SUGP1: variants seen among roughly 807,000 people sequenced by gnomAD.
The protein encoded by SUGP1 is SURP and G-patch domain-containing protein 1.
A neutral mutation model predicts 76.5 loss-of-function variants in SUGP1; 34 were observed. The observed-to-expected ratio is 0.44, with a 90% CI of 0.34 to 0.59. The LOEUF (loss-of-function observed/expected upper bound fraction) is 0.59, where lower values mean the gene tolerates loss of function less well. Ranked by LOEUF, SUGP1 falls within the 20% of genes least tolerant of loss-of-function variation. The pLI, the probability that SUGP1 is intolerant of heterozygous loss-of-function variation, is 0.01. For missense variants in SUGP1, 752 were observed against 851.7 expected, an observed-to-expected ratio of 0.88 and a Z score of 1.46; for synonymous variants, 326 against 326.2, an observed-to-expected ratio of 1.00 and a Z score of 0.01.
intron 7 of SUGP1, 194 bp downstream of exon 7, chr19:19,302,071 C>CA: frequency 2.5e-6 from 2 of 791,498 alleles, no homozygotes; most frequent in Non-Finnish European, 3.9e-6. Flanking sequence ...AGAGACTACC[C>CA]AGGGGTGCTG....
intron 1 of SUGP1, among the ~76,000 whole-genome samples, chr19:19,318,499 G>A (rs1599876172): frequency 6.6e-6 from 1 of 152,142 alleles, no homozygotes; most frequent in East Asian, 1.9e-4. Flanking sequence ...CATGATCGTA[G>A]CTCACTGCAT....
chr19:19,304,858 A>G (rs1568631629), intron 4 of SUGP1, among the ~76,000 whole-genome samples: 1 of 152,138 alleles, frequency 6.6e-6, no homozygotes, highest in Admixed American at 6.5e-5. Flanking sequence ...TCCCGAGAGC[A>G]TTCCGTGACT....
At chr19:19,316,063 G>A (rs1244090779) in intron 2 of SUGP1, among the ~76,000 whole-genome samples, 1 of 152,022 alleles carries the variant, frequency 6.6e-6, no homozygotes, top group Non-Finnish European at 1.5e-5. Context: ...CAAACTCCTG[G>A]CCTCTAGTGA....
At chr19:19,320,056 G>C (rs1251308042) in intron 1 of SUGP1, among the ~76,000 whole-genome samples, 1 of 152,208 alleles carries the variant, frequency 6.6e-6, no homozygotes, top group East Asian at 1.9e-4. Context: ...TGTGTCAAGG[G>C]AGCCTCAAAG....
rs2061047359 is a variant in SUGP1, at chr19:19,276,057, A to T, written c.*591T>A. On this transcript the variant is annotated 3_prime_UTR_variant, in exon 14 of 14. Transcript: ENST00000247001. The stretch of plus-strand genomic sequence containing the variant: ...GTGTGGCCAAGTCTCCAGCTTTATT[A>T]TTATTATTATTATTTGAGACAGAGT... The T allele has an allele frequency of 6.5e-6, 1 of 153,096 alleles. No homozygotes were observed. The highest frequency in any genetic ancestry group is 2.0e-4 in the South Asian group (1 of 4,880). The allele number at this position is 153,096 out of a possible 1,614,324, so 9.5% of individuals were successfully genotyped here.
At chr19:19,303,881 C>CA in intron 4 of SUGP1, 34 bp from the exon 5 acceptor site, 2 of 1,612,872 alleles carry the variant, frequency 1.2e-6, no homozygotes, top group Non-Finnish European at 1.7e-6. Context: ...GGGTTCAACT[C>CA]ACACACCCCA....
At chr19:19,278,981 T>C (rs1466748600) in intron 10 of SUGP1, among the ~76,000 whole-genome samples, 185 bp from the exon 11 acceptor site, 1 of 152,056 alleles carries the variant, frequency 6.6e-6, no homozygotes, top group Non-Finnish European at 1.5e-5. Context: ...TAGTGAACCC[T>C]GTGCAGCTCT....
chr19:19,279,114 G>T, intron 10 of SUGP1, 99 bp downstream of exon 10: 1 of 1,317,730 alleles, frequency 7.6e-7, no homozygotes, highest in Non-Finnish European at 1.0e-6. Flanking sequence ...AACCAGGATG[G>T]CAGCTCAAGA....
chr19:19,289,672 T>C (rs1291704377), intron 8 of SUGP1, among the ~76,000 whole-genome samples: 2 of 151,926 alleles, frequency 1.3e-5, no homozygotes, highest in Admixed American at 6.6e-5. Flanking sequence ...CGCTTGAACC[T>C]GGGAGGTAGA....
rs769184747 is a variant in SUGP1 at position 19,284,874 on chromosome 19, TG to T, written c.1244-4584del. Among the ~76,000 whole-genome samples, 22 of 151,098 alleles carry T rather than the reference TG, an allele frequency of 1.5e-4. 1 individual carries two copies. The highest frequency in any genetic ancestry group is 6.3e-4 in the South Asian group (3 of 4,760). On this transcript the variant is annotated intron_variant, in intron 8 of 13. Coordinates refer to ENST00000247001, the MANE Select transcript of SUGP1 (RefSeq NM_172231.4). ...AGATATGCATGTGCTCAAACAGGTT[TG>T]TTTTTTTTTTTTTTTTTAGATGGAG... is the stretch of plus-strand genomic sequence containing the variant.
rs573356647 is a variant in SUGP1 at position 19,303,454 on chromosome 19, G to A, written c.663-6C>T. On this transcript the variant is annotated splice_region_variant and splice_polypyrimidine_tract_variant and intron_variant, in intron 5 of 13. Coordinates refer to ENST00000247001, the MANE Select transcript of SUGP1 (RefSeq NM_172231.4). Reference sequence around the variant, plus strand: ...TATTCTTATCGTGCAAAAATCTGGAGAGGAGGAAGTTTGCAGAAGAGAGGG... The same window carrying A: ...TATTCTTATCGTGCAAAAATCTGGAAAGGAGGAAGTTTGCAGAAGAGAGGG... 4 of 1,611,840 alleles carry A rather than the reference G, an allele frequency of 2.5e-6. No homozygotes were observed. The highest frequency in any genetic ancestry group is 3.4e-6 in the Non-Finnish European group (4 of 1,178,044).
At chr19:19,300,397 C>T (rs1291416501) in intron 7 of SUGP1, among the ~76,000 whole-genome samples, 5 of 152,228 alleles carry the variant, frequency 3.3e-5, no homozygotes, top group Admixed American at 3.3e-4. Flanking sequence ...TATAGCCATG[C>T]AGTTGGTTAC....
chr19:19,308,306 A>G (rs1050193657), intron 3 of SUGP1, among the ~76,000 whole-genome samples: 1 of 152,198 alleles, frequency 6.6e-6, no homozygotes, highest in African/African-American at 2.4e-5. Context: ...AAGTGCTGAG[A>G]TTACAGGCAT....
intron 3 of SUGP1, among the ~76,000 whole-genome samples, chr19:19,309,438 T>G (rs2061338567): frequency 6.6e-6 from 1 of 151,992 alleles, no homozygotes; most frequent in African/African-American, 2.4e-5. Context: ...GTGCTATGAT[T>G]GCACTACTGC....
chr19:19,315,624 C>A (rs1405366108), intron 2 of SUGP1, among the ~76,000 whole-genome samples: 2 of 152,168 alleles, frequency 1.3e-5, no homozygotes, highest in Admixed American at 1.3e-4. Flanking sequence ...CACATATGGG[C>A]TCTCTCCCCT....
chr19:19,314,599 A>T (rs2061378879), intron 2 of SUGP1, among the ~76,000 whole-genome samples: 1 of 152,198 alleles, frequency 6.6e-6, no homozygotes, highest in Non-Finnish European at 1.5e-5. Flanking sequence ...GCCTGCCCCC[A>T]TACTCACACC....
intron 4 of SUGP1, chr19:19,305,526 G>A (rs2061309298): frequency 8.3e-6 from 2 of 241,618 alleles, no homozygotes; most frequent in African/African-American, 2.3e-5. Context: ...TAGAAGGGAT[G>A]TGAGGATGCC....
At position 19,316,571 on chromosome 19, in the gene SUGP1, C is replaced by T; in HGVS notation, c.57G>A (p.Gly19=). Residue 19 remains glycine (G), a synonymous_variant, in exon 2 of 14, where the codon GGG becomes GGA. Transcript: ENST00000247001. ...DVAGKANRWF[G]VAPPKSGKMN... ...TTTTTCCAGATTTAGGGGGAGCAAC[C>T]CCAAACCACCGGTTAGCCTTTCCTG... The T allele has an allele frequency of 6.2e-7, 1 of 1,613,902 alleles. No individual in the cohort carries two copies. The highest frequency in any genetic ancestry group is 8.5e-7 in the Non-Finnish European group (1 of 1,179,986).
At chr19:19,314,126 G>A (rs2061373844) in intron 2 of SUGP1, among the ~76,000 whole-genome samples, 2 of 150,170 alleles carry the variant, frequency 1.3e-5, no homozygotes, top group Admixed American at 1.3e-4. Flanking sequence ...GGCTGAGTGA[G>A]ACTCTGTCTC....
Sources: gnomAD v4.1 joint callset for allele counts (sites outside exome capture counted in the v4.1 genomes callset) on GRCh38, gnomAD v4.1.1 for gene constraint, MANE v1.5 for transcripts, NCBI Gene and HGNC (gene_info 2026-07-23, HGNC 2026-07-21) for gene names.